WSCD2: variants seen among roughly 807,000 people sequenced by gnomAD.
WSCD2 encodes WSC domain sialate O sulfotransferase 2.
WSCD2 carries 28 observed loss-of-function variants against 55.7 expected under a neutral mutation model. That is an observed-to-expected ratio of 0.50 (90% CI 0.37 to 0.69). The LOEUF is 0.69. Among genes scored for constraint, WSCD2 ranks in the 30% least tolerant of loss-of-function variants. The pLI, the probability that WSCD2 is intolerant of heterozygous loss-of-function variation, is 0.00. For missense variants in WSCD2, 616 were observed against 762.1 expected, an observed-to-expected ratio of 0.81 and a Z score of 2.26; for synonymous variants, 301 against 301.9, an observed-to-expected ratio of 1.00 and a Z score of 0.03.
chr12:108,164,208 A>G (rs1290301485), intron 1 of WSCD2, among the ~76,000 whole-genome samples: 2 of 139,648 alleles, frequency 1.4e-5, no homozygotes, highest in African/African-American at 5.4e-5. Flanking sequence ...TATACCTTAC[A>G]TACTGTAAAG....
chr12:108,210,127 C>T lies in WSCD2; in HGVS notation c.504C>T (p.Tyr168=), dbSNP rs1176766527. The T allele has an allele frequency of 5.6e-6, 9 of 1,614,030 alleles. No homozygotes were observed. Among genetic ancestry groups the T allele is most frequent in the Non-Finnish European group, 7.6e-6 (9 of 1,180,026 alleles). ...TGACAGCAGCCTCCCCCAGGGGTTA[C>T]CTGTATGGCGGGCTGGAGTTCGGCG... ...RCQDNCAERG[Y]LYGGLEFGAE... is the part of the protein sequence containing the mutation. Residue 168 remains tyrosine, a synonymous_variant, in exon 4 of 9, where the codon TAC becomes TAT. Coordinates refer to ENST00000547525, the MANE Select transcript of WSCD2 (RefSeq NM_014653.4). This position sits in a 1 kb window ranked among gnomAD's most constrained non-coding sequence, Gnocchi z 4.3.
At chr12:108,157,466 G>A (rs1437272275) in intron 1 of WSCD2, among the ~76,000 whole-genome samples, 1 of 152,084 alleles carries the variant, frequency 6.6e-6, no homozygotes, top group Non-Finnish European at 1.5e-5. Context: ...TAACTCCTCT[G>A]GGCCCCACCT....
chr12:108,222,767 A>G (rs4964662), intron 4 of WSCD2, among the ~76,000 whole-genome samples: 104,175 of 152,122 alleles, frequency 0.68, 36,160 homozygotes, highest in East Asian at 0.87. Flanking sequence ...TTTTGTCTTT[A>G]TTACATAAAA....
intron 1 of WSCD2, among the ~76,000 whole-genome samples, chr12:108,194,558 G>A (rs1047454186): frequency 6.6e-6 from 1 of 152,224 alleles, no homozygotes; most frequent in Non-Finnish European, 1.5e-5. Context: ...CCTCTCATAG[G>A]AATGTTGGGA....
chr12:108,192,419 C>A (rs1883301982), intron 1 of WSCD2, among the ~76,000 whole-genome samples: 1 of 152,184 alleles, frequency 6.6e-6, no homozygotes, highest in African/African-American at 2.4e-5. Flanking sequence ...CTGTTCTTGC[C>A]TGAGTGCCTC....
chr12:108,142,827 C>T (rs535509964), intron 1 of WSCD2, among the ~76,000 whole-genome samples: 27 of 151,584 alleles, frequency 1.8e-4, no homozygotes, highest in African/African-American at 6.3e-4. Context: ...TTTTATTTCT[C>T]TTTAGAGACA....
chr12:108,196,820 A>G (rs1156552244), intron 2 of WSCD2: 1 of 152,404 alleles, frequency 6.6e-6, no homozygotes, highest in African/African-American at 2.4e-5. Context: ...TATAATCTAA[A>G]AAGGCTTTTG....
At chr12:108,151,014 G>C (rs937358372) in intron 1 of WSCD2, among the ~76,000 whole-genome samples, 3 of 151,842 alleles carry the variant, frequency 2.0e-5, no homozygotes, top group African/African-American at 7.3e-5. Context: ...TGGTGCCCCG[G>C]TGCTCAGCTT....
intron 1 of WSCD2, among the ~76,000 whole-genome samples, chr12:108,140,138 C>T (rs1876637349): frequency 6.6e-6 from 1 of 152,152 alleles, no homozygotes; most frequent in Admixed American, 6.5e-5. Flanking sequence ...CCAGGGTCAG[C>T]CTGCCTGGGT....
intron 1 of WSCD2, among the ~76,000 whole-genome samples, chr12:108,166,763 T>TCTTTC (rs57041629): frequency 5.1e-4 from 66 of 129,004 alleles, no homozygotes; most frequent in African/African-American, 1.8e-3. Context: ...TTTCTTTCTT[T>TCTTTC]TCTTTCTTTC....
At chr12:108,197,020 A>C (rs1325167167) in intron 2 of WSCD2, 1 of 152,202 alleles carries the variant, frequency 6.6e-6, no homozygotes, top group Non-Finnish European at 1.5e-5. Flanking sequence ...CTGAATGCTC[A>C]GTTCTCTAAG....
chr12:108,190,212 T>C (rs934354644), intron 1 of WSCD2, among the ~76,000 whole-genome samples: 10 of 152,174 alleles, frequency 6.6e-5, no homozygotes, highest in African/African-American at 2.4e-4. Flanking sequence ...CAAACACCAG[T>C]GACTTCTGAT....
At chr12:108,191,628 G>A (rs1289711160) in intron 1 of WSCD2, among the ~76,000 whole-genome samples, 3 of 152,196 alleles carry the variant, frequency 2.0e-5, no homozygotes, top group African/African-American at 7.2e-5. Flanking sequence ...CTGGGGGGAT[G>A]AACCTGACTC....
At chr12:108,150,036 A>G (rs1156690239) in intron 1 of WSCD2, 1 of 152,188 alleles carries the variant, frequency 6.6e-6, no homozygotes, top group Non-Finnish European at 1.5e-5. Context: ...GGTAATAATA[A>G]TAATTATAAT....
At chr12:108,178,917 T>C (rs1223889172) in intron 1 of WSCD2, among the ~76,000 whole-genome samples, 1 of 152,138 alleles carries the variant, frequency 6.6e-6, no homozygotes, top group African/African-American at 2.4e-5. Flanking sequence ...TTATAAGGCA[T>C]TCATTCTCAT....
chr12:108,148,554 C>G (rs569075630), intron 1 of WSCD2, among the ~76,000 whole-genome samples: 1 of 152,116 alleles, frequency 6.6e-6, no homozygotes, highest in Non-Finnish European at 1.5e-5. Context: ...GGTGATCATT[C>G]TCATCCACTT....
intron 7 of WSCD2, among the ~76,000 whole-genome samples, chr12:108,233,374 A>G (rs948275142): frequency 6.6e-5 from 10 of 152,202 alleles, no homozygotes; most frequent in African/African-American, 2.4e-4. Flanking sequence ...CTCTATTTTC[A>G]TTCCATTCAC....
At chr12:108,202,269 A>G (rs1033057051) in intron 2 of WSCD2, among the ~76,000 whole-genome samples, 10 of 152,194 alleles carry the variant, frequency 6.6e-5, no homozygotes, top group African/African-American at 2.4e-4. Context: ...AACTGACTCA[A>G]TATTGATATC....
chr12:108,237,129 T>G (rs967181319), intron 7 of WSCD2, among the ~76,000 whole-genome samples: 1 of 152,230 alleles, frequency 6.6e-6, no homozygotes, highest in African/African-American at 2.4e-5. Context: ...TGTCCATGCC[T>G]GGAGCCAAGA....
Sources: allele counts gnomAD v4.1 joint callset (sites outside exome capture counted in the v4.1 genomes callset), GRCh38; gene constraint gnomAD v4.1.1; non-coding constraint Gnocchi (gnomAD v3.1); transcripts MANE v1.5; gene names NCBI Gene and HGNC (gene_info 2026-07-23, HGNC 2026-07-21).